Variants in CSTPP1 observed in about 807,000 individuals in gnomAD.
CSTPP1 encodes centriolar satellite-associated tubulin polyglutamylase complex regulator 1, also known as UPF0705 protein C11orf49.
chr11:47,050,143 A>G, the CSTPP1 span, among the ~76,000 whole-genome samples: 2 of 152,320 alleles, frequency 1.3e-5, no homozygotes, highest in African/African-American at 2.4e-5. Context: ...CAATCAAAAT[A>G]AAGCTGGTAT....
At chr11:47,121,726 C>T in the CSTPP1 span, among the ~76,000 whole-genome samples, 1 of 151,988 alleles carries the variant, frequency 6.6e-6, no homozygotes. Context: ...CCACACTGTT[C>T]CCAGGAGGAA....
the CSTPP1 span, among the ~76,000 whole-genome samples, chr11:47,162,600 A>C: frequency 6.9e-3 from 1,046 of 152,250 alleles, 17 homozygotes; most frequent in African/African-American, 0.024. Flanking sequence ...GCAGCTGTGA[A>C]AGACAGACAG....
the CSTPP1 span, among the ~76,000 whole-genome samples, chr11:46,942,910 C>T: frequency 1.3e-5 from 2 of 152,064 alleles, no homozygotes; most frequent in Admixed American, 1.3e-4. Context: ...GTTTTTTCCT[C>T]TTCACTAAAA....
At chr11:47,061,298 A>G in the CSTPP1 span, among the ~76,000 whole-genome samples, 3 of 152,186 alleles carry the variant, frequency 2.0e-5, no homozygotes, top group Non-Finnish European at 2.9e-5. Context: ...CATTCTAGGA[A>G]TCAGGGAATT....
the CSTPP1 span, among the ~76,000 whole-genome samples, chr11:46,982,808 T>C: frequency 4.6e-5 from 7 of 152,112 alleles, no homozygotes; most frequent in East Asian, 1.4e-3. Context: ...AATAAGGGGG[T>C]AAGGGGCTAA....
At chr11:46,950,668 A>G in the CSTPP1 span, among the ~76,000 whole-genome samples, 1 of 149,596 alleles carries the variant, frequency 6.7e-6, no homozygotes, top group African/African-American at 2.5e-5. Context: ...CTGGAGTGCA[A>G]TGGCCCGATC....
At chr11:47,009,993 A>C in the CSTPP1 span, among the ~76,000 whole-genome samples, 2 of 152,214 alleles carry the variant, frequency 1.3e-5, no homozygotes, top group Admixed American at 1.3e-4. Context: ...TGTCATGTAA[A>C]AATTAGATAG....
At chr11:46,997,581 G>C in the CSTPP1 span, among the ~76,000 whole-genome samples, 1 of 152,138 alleles carries the variant, frequency 6.6e-6, no homozygotes, top group Non-Finnish European at 1.5e-5. Context: ...GTCGTTCTCC[G>C]TCCAGCTTTC....
chr11:47,012,811 C>CT, the CSTPP1 span, among the ~76,000 whole-genome samples: 1 of 151,790 alleles, frequency 6.6e-6, no homozygotes, highest in South Asian at 2.1e-4. Context: ...GTCTTCTTTT[C>CT]TTTCTATCTC....
chr11:47,047,621 TA>T, the CSTPP1 span, among the ~76,000 whole-genome samples: 1 of 152,230 alleles, frequency 6.6e-6, no homozygotes, highest in African/African-American at 2.4e-5. Flanking sequence ...ATTTCATGGA[TA>T]TAACACCAAA....
chr11:47,075,962 G>A, the CSTPP1 span, among the ~76,000 whole-genome samples: 47 of 150,302 alleles, frequency 3.1e-4, no homozygotes, highest in South Asian at 5.5e-3. Context: ...AGAATTGGAG[G>A]TGTCAAGTAC....
chr11:47,060,103 C>T, the CSTPP1 span, among the ~76,000 whole-genome samples: 1 of 81,882 alleles, frequency 1.2e-5, no homozygotes, highest in Non-Finnish European at 2.3e-5. Context: ...GACTCTGTCT[C>T]GAAAAAAAAA....
chr11:46,976,144 G>A, the CSTPP1 span, among the ~76,000 whole-genome samples: 2 of 152,240 alleles, frequency 1.3e-5, no homozygotes. Flanking sequence ...ACCCTCAGAG[G>A]AACTATAGAT....
chr11:47,079,315 T>C, the CSTPP1 span, among the ~76,000 whole-genome samples: 1 of 152,100 alleles, frequency 6.6e-6, no homozygotes, highest in East Asian at 1.9e-4. Flanking sequence ...AGAAGAGAAG[T>C]GACATCATTG....
At chr11:46,970,431 A>G in the CSTPP1 span, among the ~76,000 whole-genome samples, 1 of 150,660 alleles carries the variant, frequency 6.6e-6, no homozygotes, top group African/African-American at 2.4e-5. Context: ...TAAATAAATA[A>G]AATTCATTAA....
At chr11:47,069,000 A>G in the CSTPP1 span, among the ~76,000 whole-genome samples, 24 of 152,310 alleles carry the variant, frequency 1.6e-4, no homozygotes, top group Admixed American at 8.5e-4. Context: ...GAGTTAACCT[A>G]TGAGCACAGG....
chr11:47,132,987 C>G, the CSTPP1 span, among the ~76,000 whole-genome samples: 1 of 152,218 alleles, frequency 6.6e-6, no homozygotes, highest in Non-Finnish European at 1.5e-5. Context: ...GGGTCAGACA[C>G]TGTTCTAAGC....
chr11:47,160,462 C>G, the CSTPP1 span: 5 of 152,390 alleles, frequency 3.3e-5, no homozygotes, highest in Admixed American at 3.3e-4. Context: ...CTGGTTGACG[C>G]GTCACGGAGG....
the CSTPP1 span, among the ~76,000 whole-genome samples, chr11:47,136,497 A>C: frequency 6.6e-6 from 1 of 152,260 alleles, no homozygotes; most frequent in African/African-American, 2.4e-5. Flanking sequence ...CTCTGTCCCC[A>C]CCTTGAATTA....
Sources: gnomAD v4.1 joint callset for allele counts (sites outside exome capture counted in the v4.1 genomes callset) on GRCh38, gnomAD v4.1.1 for gene constraint, MANE v1.5 for transcripts, NCBI Gene and HGNC (gene_info 2026-07-23, HGNC 2026-07-21) for gene names.